The following KCNMB2 variants were observed in gnomAD, a reference collection of about 807,000 sequenced individuals.
KCNMB2 encodes potassium calcium-activated channel subfamily M regulatory beta subunit 2, also known as calcium-activated potassium channel subunit beta-2.
A neutral mutation model predicts 24.5 loss-of-function variants in KCNMB2; 9 were observed. The ratio of observed to expected loss-of-function variants is 0.37; its 90% CI spans 0.22 to 0.64. The LOEUF (loss-of-function observed/expected upper bound fraction) is 0.64. Among genes scored for constraint, KCNMB2 ranks in the 30% least tolerant of loss-of-function variants. The pLI, the probability that KCNMB2 is intolerant of heterozygous loss-of-function variation, is 0.63. For missense variants in KCNMB2, 226 were observed against 284.3 expected (o/e 0.79, Z 1.47); for synonymous variants, 109 against 104.4 (o/e 1.04, Z -0.27).
intron 1 of KCNMB2, among the ~76,000 whole-genome samples, chr3:178,757,977 A>ACAAGAGGATATATATATATC (rs1560006226): frequency 1.4e-5 from 1 of 71,614 alleles, no homozygotes; most frequent in African/African-American, 6.1e-5. Context: ...ATATATAGAC[A>ACAAGAGGATATATATATATC]CAAGAGGATA....
chr3:178,783,778 C>T lies in KCNMB2; in HGVS notation c.-67-23565C>T, dbSNP rs958022681. ...CTTCCTCTTTTCCTAATTGAATACC[C>T]TTTATTTCCTTCTCCTGCCTAATTG... On this transcript the variant is annotated intron_variant, in intron 1 of 4. Transcript: ENST00000452583. Among the ~76,000 whole-genome samples the T allele has an allele frequency of 8.5e-5, 13 of 152,184 alleles. No homozygotes were observed. In the Middle Eastern group the frequency reaches 0.014, roughly 159 times the overall value.
chr3:178,746,741 G>A (rs1723683001), intron 1 of KCNMB2, among the ~76,000 whole-genome samples: 1 of 152,124 alleles, frequency 6.6e-6, no homozygotes, highest in East Asian at 1.9e-4. Flanking sequence ...CAAGTTCAAA[G>A]TTCCACAGAT....
intron 1 of KCNMB2, among the ~76,000 whole-genome samples, chr3:178,617,043 T>C (rs1388837067): frequency 6.6e-6 from 1 of 152,146 alleles, no homozygotes; most frequent in African/African-American, 2.4e-5. Context: ...TTTATTTTTG[T>C]TTTTTTCCTA....
At chr3:178,645,087 G>A (rs1227952006) in intron 1 of KCNMB2, among the ~76,000 whole-genome samples, 1 of 70,602 alleles carries the variant, frequency 1.4e-5, no homozygotes, top group African/African-American at 5.8e-5. Flanking sequence ...TTTTGCTCTT[G>A]TTGCCCAGAC....
chr3:178,599,317 G>T (rs1036078185), intron 1 of KCNMB2, among the ~76,000 whole-genome samples: 1 of 152,074 alleles, frequency 6.6e-6, no homozygotes, highest in Admixed American at 6.6e-5. Context: ...ATACATCAGG[G>T]ATGGCTGAAT....
At chr3:178,692,154 A>G (rs181082605) in intron 1 of KCNMB2, among the ~76,000 whole-genome samples, 1 of 152,316 alleles carries the variant, frequency 6.6e-6, no homozygotes, top group African/African-American at 2.4e-5. Context: ...CCTTTGTCAG[A>G]TGCATAGTTT....
At chr3:178,752,711 A>G (rs1723892495) in intron 1 of KCNMB2, among the ~76,000 whole-genome samples, 2 of 152,218 alleles carry the variant, frequency 1.3e-5, no homozygotes, top group Admixed American at 1.3e-4. Flanking sequence ...GTCAGAGTAG[A>G]AGAGAGGGAA....
chr3:178,760,039 T>G (rs1270389080), intron 1 of KCNMB2, among the ~76,000 whole-genome samples: 5 of 44,288 alleles, frequency 1.1e-4, no homozygotes, highest in South Asian at 7.3e-4. Context: ...TATATATATA[T>G]ATATATCCAA....
chr3:178,824,329 T>C (rs192341327), intron 2 of KCNMB2, among the ~76,000 whole-genome samples: 53 of 152,306 alleles, frequency 3.5e-4, no homozygotes, highest in Non-Finnish European at 6.6e-4. Flanking sequence ...CCCCACCCCA[T>C]TTTTGAATGG....
At chr3:178,804,167 T>C (rs1050073002) in intron 1 of KCNMB2, among the ~76,000 whole-genome samples, 4 of 152,202 alleles carry the variant, frequency 2.6e-5, no homozygotes, top group African/African-American at 9.7e-5. Context: ...TCTTTTTTGG[T>C]CTCTATATCC....
At chr3:178,634,372 G>A (rs944636012) in intron 1 of KCNMB2, among the ~76,000 whole-genome samples, 1 of 152,168 alleles carries the variant, frequency 6.6e-6, no homozygotes, top group Non-Finnish European at 1.5e-5. Flanking sequence ...TTGACTCACA[G>A]TTCAGCATGA....
At chr3:178,680,792 C>T (rs1011992228) in intron 1 of KCNMB2, among the ~76,000 whole-genome samples, 1 of 152,116 alleles carries the variant, frequency 6.6e-6, no homozygotes, top group Non-Finnish European at 1.5e-5. Flanking sequence ...CAAAATGTAT[C>T]CCAGTAAAGA....
At chr3:178,642,802 C>T (rs530976818) in intron 1 of KCNMB2, among the ~76,000 whole-genome samples, 1 of 152,314 alleles carries the variant, frequency 6.6e-6, no homozygotes, top group African/African-American at 2.4e-5. Flanking sequence ...ATCATTTGGT[C>T]TTATTTGATC....
At chr3:178,599,694 C>T (rs1382149306) in intron 1 of KCNMB2, among the ~76,000 whole-genome samples, 1 of 152,126 alleles carries the variant, frequency 6.6e-6, no homozygotes, top group Non-Finnish European at 1.5e-5. Context: ...CATTGTCGTG[C>T]AACTAATTTC....
Position 178,536,556 on chromosome 3 carries a change from G to A in KCNMB2, c.-223G>A, listed in dbSNP as rs1420461116. On this transcript the variant is annotated 5_prime_UTR_variant, in exon 1 of 5. Transcript: ENST00000452583. The stretch of plus-strand genomic sequence containing the variant: ...GACATTTTGAGCAGGGAGTATTAAA[G>A]CTATGAGTTAGAAAGGGTTGTGACA... 5 of 152,316 alleles carry A rather than the reference G, an allele frequency of 3.3e-5. No homozygotes were observed. The East Asian group carries it at 9.7e-4, about 29-fold the overall frequency. 9.4% of individuals were successfully genotyped at this position (152,316 alleles called of 1,614,324 possible).
At chr3:178,799,745 C>G (rs1164138977) in intron 1 of KCNMB2, among the ~76,000 whole-genome samples, 1 of 152,086 alleles carries the variant, frequency 6.6e-6, no homozygotes, top group Non-Finnish European at 1.5e-5. Context: ...AAGAGCACAA[C>G]TGGAGGAATC....
At chr3:178,798,387 A>ATTTG (rs112870851) in intron 1 of KCNMB2, among the ~76,000 whole-genome samples, 3,975 of 151,702 alleles carry the variant, frequency 0.026, 177 homozygotes, top group African/African-American at 0.09. Flanking sequence ...TTTTGTGTTT[A>ATTTG]TTTGTTTGTT....
At chr3:178,615,656 T>A (rs1718677953) in intron 1 of KCNMB2, among the ~76,000 whole-genome samples, 1 of 152,234 alleles carries the variant, frequency 6.6e-6, no homozygotes, top group Non-Finnish European at 1.5e-5. Flanking sequence ...GGCCTGGGAC[T>A]CACCTGTCAG....
chr3:178,669,792 G>A (rs1288799234), intron 1 of KCNMB2, among the ~76,000 whole-genome samples: 2 of 152,064 alleles, frequency 1.3e-5, no homozygotes, highest in Non-Finnish European at 2.9e-5. Context: ...AAACATCATG[G>A]AAGGAACCAT....
Sources: gnomAD v4.1 joint callset for allele counts (sites outside exome capture counted in the v4.1 genomes callset) on GRCh38, gnomAD v4.1.1 for gene constraint, MANE v1.5 for transcripts, NCBI Gene and HGNC (gene_info 2026-07-23, HGNC 2026-07-21) for gene names.